The following LHCGR variants were observed in gnomAD, a reference collection of about 807,000 sequenced individuals.
The protein encoded by LHCGR is luteinizing hormone/choriogonadotropin receptor.
In LHCGR, 55 loss-of-function variants were observed where a neutral mutation model predicts 60.7. The observed-to-expected ratio is 0.91, with a 90% confidence interval of 0.73 to 1.13. The LOEUF (loss-of-function observed/expected upper bound fraction) is 1.13. Ranked by LOEUF, LHCGR falls within the 50% of genes most tolerant of loss-of-function variation. The pLI is 0.00. For missense variants in LHCGR, 862 were observed against 836.0 expected (o/e 1.03, Z -0.38); for synonymous variants, 337 against 316.5 (o/e 1.06, Z -0.69).
intron 1 of LHCGR, among the ~76,000 whole-genome samples, chr2:48,752,457 C>A (rs766051941): frequency 6.6e-6 from 1 of 152,042 alleles, no homozygotes; most frequent in African/African-American, 2.4e-5. Flanking sequence ...TCTGCAGAGG[C>A]AAAGTCTATG....
rs756885117 is a variant in LHCGR, at chr2:48,755,609, C to G, written c.63G>C (p.Leu21=). 3.3e-6 allele frequency: 5 copies of G among 1,532,568 alleles called. No individual in the cohort carries two copies. The East Asian group carries it at 1.2e-4, about 38-fold the overall frequency. The allele number at this position is 1,532,568 out of a possible 1,614,324, so 94.9% of individuals were successfully genotyped here. A position where few individuals can be genotyped will look rare whatever the true frequency, so the allele number is the denominator to read the frequency against. The change falls in exon 1 of 11, where the codon CTG becomes CTC. Residue 21 remains leucine, a synonymous_variant. Transcript: ENST00000294954. ...AGAGCGCCTCGCGCAGCGCTCGTGGCAGCGGCGGCTGCAGCAGCAGCAGCA... is the reference window on the plus strand; with the variant it reads ...AGAGCGCCTCGCGCAGCGCTCGTGGGAGCGGCGGCTGCAGCAGCAGCAGCA... The part of the protein sequence containing the change: ...LKLLLLLQPP[L]PRALREALCP...
chr2:48,715,830 A>G (rs374195975), intron 6 of LHCGR, among the ~76,000 whole-genome samples: 46 of 152,340 alleles, frequency 3.0e-4, no homozygotes, highest in African/African-American at 1.1e-3. Flanking sequence ...TTACAAAATA[A>G]TTCTTAAGTC....
chr2:48,726,737 C>CT (rs1359942319), intron 3 of LHCGR, among the ~76,000 whole-genome samples: 1 of 152,142 alleles, frequency 6.6e-6, no homozygotes, highest in African/African-American at 2.4e-5. Context: ...ATCGTATGAC[C>CT]TTAGATATAT....
At chr2:48,698,133 T>C (rs1220269833) in intron 9 of LHCGR, among the ~76,000 whole-genome samples, 1 of 152,218 alleles carries the variant, frequency 6.6e-6, no homozygotes, top group African/African-American at 2.4e-5. Context: ...TCTTTAGCTG[T>C]AATTCTGTTC....
intron 6 of LHCGR, chr2:48,720,820 C>T (rs1333331804): frequency 6.6e-6 from 1 of 152,180 alleles, no homozygotes; most frequent in East Asian, 1.9e-4. Flanking sequence ...GCCTTGGTCT[C>T]CTCATCTAAA....
intron 1 of LHCGR, among the ~76,000 whole-genome samples, chr2:48,736,462 A>C (rs1265776376): frequency 6.6e-6 from 1 of 152,188 alleles, no homozygotes; most frequent in Non-Finnish European, 1.5e-5. Context: ...CAGCATCCAG[A>C]TAAATCTAAT....
chr2:48,713,162 G>A (rs542504848), intron 7 of LHCGR, among the ~76,000 whole-genome samples: 9 of 152,230 alleles, frequency 5.9e-5, no homozygotes, highest in Non-Finnish European at 1.0e-4. Flanking sequence ...CAGATTCTTC[G>A]TAGGTGTGTA....
rs1009088916 is a variant in LHCGR at position 48,687,746 on chromosome 2, T to G, written c.2051A>C (p.His684Pro). Residue 684 changes from histidine to proline, a missense_variant, in exon 11 of 11, where the codon CAC becomes CCC. His to Pro is a moderately conservative substitution (Grantham distance 77). Transcript: ENST00000294954. ...SQSTLKLSTL[H>P]CQGTALLDKT... is the part of the protein sequence containing the mutation. ...GTCTAGGAGAGCTGTACCTTGACAG[T>G]GCAATGTGGACAACTTCAAGGTGGA... The G allele has an allele frequency of 1.7e-5, 27 of 1,614,032 alleles. No individual in the cohort carries two copies. The highest frequency in any genetic ancestry group is 2.1e-5 in the Non-Finnish European group (25 of 1,180,022).
At chr2:48,710,952 C>T (rs1259944348) in intron 7 of LHCGR, among the ~76,000 whole-genome samples, 3 of 152,224 alleles carry the variant, frequency 2.0e-5, no homozygotes, top group Non-Finnish European at 2.9e-5. Flanking sequence ...AATTCAGACT[C>T]CTTTCCCATG....
intron 9 of LHCGR, among the ~76,000 whole-genome samples, 189 bp downstream of exon 9, chr2:48,698,426 G>A (rs1667230998): frequency 2.6e-5 from 4 of 152,120 alleles, no homozygotes; most frequent in Admixed American, 1.3e-4. Context: ...TCAACTATTT[G>A]GTAGCAGTTT....
chr2:48,697,491 G>A (rs2104388993), intron 9 of LHCGR, among the ~76,000 whole-genome samples: 1 of 152,334 alleles, frequency 6.6e-6, no homozygotes, highest in Middle Eastern at 3.4e-3. Flanking sequence ...TAATGTTTTG[G>A]AAGATCAGTT....
chr2:48,730,206 G>A lies in LHCGR; in HGVS notation c.234-979C>T, dbSNP rs114891989. Reference sequence around the variant, plus strand: ...TGTCTTTTCTTAACAACACAGGAATGGATTATTCTTGGCTGATTCATCTTA... The same window carrying A: ...TGTCTTTTCTTAACAACACAGGAATAGATTATTCTTGGCTGATTCATCTTA... On this transcript the variant is annotated intron_variant, in intron 2 of 10. Transcript: ENST00000294954. Among the ~76,000 whole-genome samples the A allele has an allele frequency of 4.3e-3, 649 of 152,264 alleles. 7 individuals carry two copies. The highest frequency in any genetic ancestry group is 0.015 in the African/African-American group (612 of 41,550).
At chr2:48,705,476 T>C (rs1667617278) in intron 8 of LHCGR, among the ~76,000 whole-genome samples, 2 of 152,232 alleles carry the variant, frequency 1.3e-5, no homozygotes, top group South Asian at 4.1e-4. Flanking sequence ...ATCTGCCTAG[T>C]ATTGACAGTT....
In LHCGR at chr2:48,727,644, T is replaced by C. The variant is rs532452540; in HGVS notation, c.308+1509A>G. 4.3e-4 allele frequency among the ~76,000 whole-genome samples: 66 copies of C among 152,368 alleles called. 1 individual carries two copies. The South Asian group carries it at 6.8e-3, about 16-fold the overall frequency. On this transcript the variant is annotated intron_variant, in intron 3 of 10. Coordinates refer to ENST00000294954, the MANE Select transcript of LHCGR (RefSeq NM_000233.4). ...TCTGGGATAGGACTGTCGTCTGTAA[T>C]TGTAATGAGCCCAATGTGTGATTCT...
intron 1 of LHCGR, among the ~76,000 whole-genome samples, chr2:48,745,612 C>A (rs541891856): frequency 6.8e-6 from 1 of 147,346 alleles, no homozygotes; most frequent in Non-Finnish European, 1.5e-5. Flanking sequence ...AACCAAACAC[C>A]GCATATTCTC....
intron 8 of LHCGR, 103 bp from the exon 9 acceptor site, chr2:48,698,903 A>G (rs1356579448): frequency 2.5e-5 from 23 of 918,922 alleles, no homozygotes; most frequent in Middle Eastern, 3.4e-4. Flanking sequence ...GTGCAGTGGC[A>G]CGACCTCGGC....
In LHCGR at chr2:48,688,289, AC is replaced by A; in HGVS notation, c.1507del (p.Val503SerfsTer7). 6.2e-7 allele frequency: 1 copy of A among 1,614,202 alleles called. No individual in the cohort carries two copies. The highest frequency in any genetic ancestry group is 8.5e-7 in the Non-Finnish European group (1 of 1,180,038). ...FSSLIAMLPL[V>X]GVSNYMKVSI... ...GACCTTCATGTAATTGCTGACACCGACAAGGGGCAACATAGCAATTAGAGAA... is the reference window on the plus strand; with the variant it reads ...GACCTTCATGTAATTGCTGACACCGAAAGGGGCAACATAGCAATTAGAGAA... On this transcript the variant is annotated frameshift_variant, in exon 11 of 11. Coordinates refer to ENST00000294954, the MANE Select transcript of LHCGR (RefSeq NM_000233.4). LOFTEE classifies it high-confidence loss of function. This position sits in a 1 kb window ranked among gnomAD's most constrained non-coding sequence, Gnocchi z 5.2.
At chr2:48,731,611 C>T (rs1402330781) in intron 1 of LHCGR, among the ~76,000 whole-genome samples, 3 of 152,186 alleles carry the variant, frequency 2.0e-5, no homozygotes, top group Non-Finnish European at 4.4e-5. Context: ...AGCCCTCCAG[C>T]TCAGTTTCTT....
At chr2:48,717,555 T>TTATTATTATTATTAG (rs1204494248) in intron 6 of LHCGR, among the ~76,000 whole-genome samples, 1 of 151,924 alleles carries the variant, frequency 6.6e-6, no homozygotes, top group Non-Finnish European at 1.5e-5. Flanking sequence ...ATTATTATTA[T>TTATTATTATTATTAG]TATTATATTT....
Sources: allele counts gnomAD v4.1 joint callset (sites outside exome capture counted in the v4.1 genomes callset), GRCh38; gene constraint gnomAD v4.1.1; non-coding constraint Gnocchi (gnomAD v3.1); transcripts MANE v1.5; gene names NCBI Gene and HGNC (gene_info 2026-07-23, HGNC 2026-07-21).